The following VAC14 variants were observed in gnomAD, a reference collection of about 807,000 sequenced individuals.
VAC14 encodes the protein protein VAC14 homolog.
Under a neutral mutation model 85.3 loss-of-function variants are expected in VAC14, and 47 were observed. That is an observed-to-expected ratio of 0.55 (90% CI 0.44 to 0.70). The LOEUF is 0.70. Ranked by LOEUF, VAC14 falls within the 30% of genes least tolerant of loss-of-function variation. VAC14 has a pLI of 0.00. For missense variants in VAC14, 861 were observed against 1,004.3 expected, an observed-to-expected ratio of 0.86 and a Z score of 1.93; for synonymous variants, 447 against 430.5, an observed-to-expected ratio of 1.04 and a Z score of -0.47.
intron 10 of VAC14, chr16:70,771,851 G>T (rs1437637069): frequency 1.1e-5 from 5 of 458,344 alleles, no homozygotes; most frequent in Non-Finnish European, 2.0e-5. Context: ...CAAGTGCTGG[G>T]ATTAGAGGCA....
At position 70,762,935 on chromosome 16, in the gene VAC14, G is replaced by A; in HGVS notation, c.1251C>T (p.Thr417=). 6.2e-7 allele frequency: 1 copy of A among 1,614,224 alleles called. No homozygotes were observed. Among genetic ancestry groups the A allele is most frequent in the Non-Finnish European group, 8.5e-7 (1 of 1,180,044 alleles). Reference sequence around the variant, plus strand: ...AGAGCCACTTGAGAACTGCAATCCTGGTCATCATCCCAATGGCCGTGTCAC... The same window carrying A: ...AGAGCCACTTGAGAACTGCAATCCTAGTCATCATCCCAATGGCCGTGTCAC... ...HLSDTAIGMM[T]RIAVLKWLYH... is the part of the protein sequence containing the mutation. Residue 417 remains threonine, a synonymous_variant, in exon 11 of 19, where the codon ACC becomes ACT. Transcript: ENST00000261776. This position sits in a 1 kb window ranked among gnomAD's most constrained non-coding sequence, Gnocchi z 4.1.
chr16:70,734,283 C>T (rs1177640354), intron 13 of VAC14, among the ~76,000 whole-genome samples: 3 of 152,120 alleles, frequency 2.0e-5, no homozygotes, highest in Admixed American at 1.3e-4. Context: ...GGACTACAGG[C>T]TTGTGCCATC....
chr16:70,785,984 G>A, intron 2 of VAC14, 115 bp from the exon 3 acceptor site: 1 of 1,368,172 alleles, frequency 7.3e-7, no homozygotes, highest in Non-Finnish European at 9.8e-7. Context: ...CTTTGTGTGA[G>A]GGCTGGGCTC....
Position 70,687,893 on chromosome 16 carries a change from G to T in VAC14, c.*35C>A. 1 of 1,463,854 alleles carries T rather than the reference G, an allele frequency of 6.8e-7. No homozygotes were observed. The highest frequency in any genetic ancestry group is 1.4e-5 in the South Asian group (1 of 70,012). 90.7% of individuals were successfully genotyped at this position (1,463,854 alleles called of 1,614,324 possible). A position where few individuals can be genotyped will look rare whatever the true frequency, so the allele number is the denominator to read the frequency against. ...CGTGACGACCCTTAGTGTTTCATGG[G>T]ACCACTCGGTGGGCCCTCCTCCGTG... On this transcript the variant is annotated 3_prime_UTR_variant, in exon 19 of 19. Transcript: ENST00000261776.
intron 18 of VAC14, chr16:70,692,154 G>A: frequency 2.1e-6 from 2 of 944,132 alleles, no homozygotes; most frequent in African/African-American, 1.8e-5. Context: ...CTGGGGTAGG[G>A]GCCAGCCGTG....
chr16:70,702,281 C>G (rs1281018364), intron 14 of VAC14, among the ~76,000 whole-genome samples: 1 of 152,182 alleles, frequency 6.6e-6, no homozygotes, highest in Non-Finnish European at 1.5e-5. Context: ...CCGAAGAGGC[C>G]TGGGAAGCCA....
intron 14 of VAC14, among the ~76,000 whole-genome samples, chr16:70,712,930 TCCAGCCTGGCCACG>T (rs1460350435): frequency 6.6e-6 from 1 of 152,154 alleles, no homozygotes; most frequent in African/African-American, 2.4e-5. Flanking sequence ...GCATGGGTGC[TCCAGCCTGGCCACG>T]ATAGTGGAGC....
intron 12 of VAC14, among the ~76,000 whole-genome samples, chr16:70,750,458 G>T (rs887586580): frequency 4.6e-5 from 7 of 152,144 alleles, no homozygotes; most frequent in Non-Finnish European, 1.0e-4. Context: ...CGGGGGTGGG[G>T]AAGGCCCATC....
At chr16:70,763,721 A>G (rs1033465237) in intron 10 of VAC14, among the ~76,000 whole-genome samples, 1 of 152,220 alleles carries the variant, frequency 6.6e-6, no homozygotes, top group Non-Finnish European at 1.5e-5. Context: ...GATATTGTTC[A>G]GGAGGTACTT....
intron 13 of VAC14, among the ~76,000 whole-genome samples, chr16:70,742,800 G>A (rs1330449756): frequency 6.6e-6 from 1 of 152,278 alleles, no homozygotes; most frequent in African/African-American, 2.4e-5. Context: ...TGTGGCGGGA[G>A]GCTGAGGCTG....
chr16:70,762,292 G>C lies in VAC14; in HGVS notation c.1371+248C>G, dbSNP rs193072431. On this transcript the variant is annotated intron_variant, in intron 12 of 18. Transcript: ENST00000261776. This position sits in a 1 kb window ranked among gnomAD's most constrained non-coding sequence, Gnocchi z 4.1. ...CCGGCTAATTTTTGTATTTTGAGTA[G>C]AGACGGAGTTTCACCATGTTGGCCA... 1.3e-5 allele frequency among the ~76,000 whole-genome samples: 2 copies of C among 152,210 alleles called. No individual in the cohort carries two copies. Among genetic ancestry groups the C allele is most frequent in the Non-Finnish European group, 2.9e-5 (2 of 68,008 alleles).
chr16:70,695,034 A>C (rs1344819519), intron 17 of VAC14, among the ~76,000 whole-genome samples: 1 of 151,988 alleles, frequency 6.6e-6, no homozygotes, highest in African/African-American at 2.4e-5. Flanking sequence ...TGTGAGGGAT[A>C]CAGGCAGGAT....
chr16:70,799,813 A>T (rs1475796070), intron 1 of VAC14, among the ~76,000 whole-genome samples: 2 of 152,238 alleles, frequency 1.3e-5, no homozygotes, highest in Non-Finnish European at 2.9e-5. Context: ...GCAATGATGG[A>T]AACAGTCTAT....
intron 5 of VAC14, 82 bp downstream of exon 5, chr16:70,784,031 G>T: frequency 1.7e-6 from 2 of 1,154,314 alleles, no homozygotes; most frequent in Non-Finnish European, 2.6e-6. Context: ...GGTTCCTATA[G>T]CCAAAGGGCC....
intron 1 of VAC14, among the ~76,000 whole-genome samples, chr16:70,789,255 A>G (rs1398816275): frequency 6.6e-6 from 1 of 152,238 alleles, no homozygotes; most frequent in South Asian, 2.1e-4. Flanking sequence ...AAGTTTTAAT[A>G]TACTTTTGCT....
chr16:70,771,924 T>G, intron 10 of VAC14, 185 bp downstream of exon 10: 2 of 587,990 alleles, frequency 3.4e-6, no homozygotes, highest in Non-Finnish European at 6.0e-6. Flanking sequence ...CAAGCCTGGG[T>G]GGGGTGGGCT....
intron 1 of VAC14, among the ~76,000 whole-genome samples, chr16:70,791,589 T>A (rs1007623698): frequency 6.6e-6 from 1 of 152,198 alleles, no homozygotes; most frequent in Non-Finnish European, 1.5e-5. Context: ...TTTCACCATG[T>A]TGGCCAGGCT....
At chr16:70,712,403 C>A (rs1005650733) in intron 14 of VAC14, among the ~76,000 whole-genome samples, 1 of 152,104 alleles carries the variant, frequency 6.6e-6, no homozygotes, top group Non-Finnish European at 1.5e-5. Flanking sequence ...AGGTAACCAC[C>A]GACAGAGAAA....
At chr16:70,698,593 G>T in intron 15 of VAC14, 44 bp downstream of exon 15, 1 of 1,608,420 alleles carries the variant, frequency 6.2e-7, no homozygotes, top group Non-Finnish European at 8.5e-7. Flanking sequence ...GTGCCCCCTG[G>T]CATGCAGGAG....
Sources: allele counts gnomAD v4.1 joint callset (sites outside exome capture counted in the v4.1 genomes callset), GRCh38; gene constraint gnomAD v4.1.1; non-coding constraint Gnocchi (gnomAD v3.1); transcripts MANE v1.5; gene names NCBI Gene and HGNC (gene_info 2026-07-23, HGNC 2026-07-21).